The following CTSB variants were observed in gnomAD, a reference collection of about 807,000 sequenced individuals.
CTSB encodes cathepsin B.
In CTSB, 57 loss-of-function variants were observed where a neutral mutation model predicts 44.3. The ratio of observed to expected loss-of-function variants is 1.29; its 90% CI spans 1.04 to 1.60. The LOEUF is 1.60. CTSB is among the 40% of genes most tolerant of loss of function. The pLI is 0.00. For synonymous variants in CTSB, 320 were observed against 168.0 expected (o/e 1.91, Z -7.00); for missense variants, 768 against 443.0 (o/e 1.73, Z -6.59).
At chr8:11,847,335 C>G (rs191608610) in intron 7 of CTSB, among the ~76,000 whole-genome samples, 167 bp from the exon 8 acceptor site, 37 of 152,214 alleles carry the variant, frequency 2.4e-4, no homozygotes, top group Non-Finnish European at 3.8e-4. Context: ...GAACTAAGGA[C>G]AGGGCTGGGG....
chr8:11,863,639 G>C (rs192035448), intron 1 of CTSB, among the ~76,000 whole-genome samples: 1 of 152,244 alleles, frequency 6.6e-6, no homozygotes, highest in African/African-American at 2.4e-5. Context: ...CATGCTTAGC[G>C]TTCTAATAAT....
chr8:11,853,121 G>A (rs567075538), intron 2 of CTSB, among the ~76,000 whole-genome samples: 1 of 152,062 alleles, frequency 6.6e-6, no homozygotes, highest in South Asian at 2.1e-4. Context: ...TCATACACAT[G>A]CACACACACT....
At chr8:11,846,921 CCA>C in intron 8 of CTSB, 129 bp downstream of exon 8, 1 of 676,598 alleles carries the variant, frequency 1.5e-6, no homozygotes. Flanking sequence ...ATGGAAGGCC[CCA>C]CACAGCCCTC....
chr8:11,846,196 A>G (rs1166924579), intron 8 of CTSB: 1 of 153,456 alleles, frequency 6.5e-6, no homozygotes, highest in African/African-American at 2.4e-5. Flanking sequence ...TACACCCTGA[A>G]GAGGTGAGGG....
In CTSB at chr8:11,845,771, G is replaced by T; in HGVS notation, c.812C>A (p.Thr271Asn). The T allele has an allele frequency of 6.2e-7, 1 of 1,613,926 alleles. No individual in the cohort carries two copies. The highest frequency in any genetic ancestry group is 8.5e-7 in the Non-Finnish European group (1 of 1,179,874). The part of the protein sequence containing the change: ...LYKSGVYQHV[T>N]GEMMGGHAIR... ...GGCATGGCCACCCATCATCTCTCCG[G>T]TGACGTGTTGGTACACTCCTGAAAA... Residue 271 changes from threonine (T) to asparagine (N), a missense_variant, in exon 9 of 10, where the codon ACC becomes AAC. Coordinates refer to ENST00000353047, the MANE Select transcript of CTSB (RefSeq NM_001908.5).
intron 1 of CTSB, among the ~76,000 whole-genome samples, chr8:11,860,062 ACT>A (rs1224233054): frequency 1.3e-5 from 2 of 151,816 alleles, no homozygotes; most frequent in African/African-American, 2.4e-5. Flanking sequence ...ACAGAGCAAC[ACT>A]CTGTCTCAGA....
At chr8:11,863,955 G>T (rs901624479) in intron 1 of CTSB, among the ~76,000 whole-genome samples, 4 of 152,056 alleles carry the variant, frequency 2.6e-5, no homozygotes, top group African/African-American at 9.7e-5. Context: ...TAAGTATCTG[G>T]GAGACACAGG....
At chr8:11,864,338 A>AAC in intron 1 of CTSB, 1 of 150,672 alleles carries the variant, frequency 6.6e-6, no homozygotes, top group African/African-American at 2.4e-5. Context: ...AAAAAAAAAA[A>AAC]AAAAACCTGG....
intron 4 of CTSB, 63 bp from the exon 5 acceptor site, chr8:11,849,227 C>A: frequency 7.3e-7 from 1 of 1,369,274 alleles, no homozygotes. Context: ...TGCAGCAGTC[C>A]CCTCAAAGGG....
intron 1 of CTSB, among the ~76,000 whole-genome samples, chr8:11,856,855 GA>G (rs61344867): frequency 0.38 from 54,974 of 145,726 alleles, 10,103 homozygotes; most frequent in East Asian, 0.5. Context: ...TTACTTTTAA[GA>G]AAAAAAAAAA....
At chr8:11,861,407 T>A (rs1452439398) in intron 1 of CTSB, 1 of 152,468 alleles carries the variant, frequency 6.6e-6, no homozygotes, top group East Asian at 1.9e-4. Context: ...GCTGCCCACC[T>A]GCCAATCATC....
At position 11,842,718 on chromosome 8, in the gene CTSB, C is replaced by T. The variant is rs944075519; in HGVS notation, c.*2407G>A. 6.6e-6 allele frequency: 1 copy of T among 151,908 alleles called. No individual in the cohort carries two copies. Among genetic ancestry groups the T allele is most frequent in the African/African-American group, 2.4e-5 (1 of 41,312 alleles). 9.4% of individuals were successfully genotyped at this position (151,908 alleles called of 1,614,324 possible). A position where few individuals can be genotyped will look rare whatever the true frequency, so the allele number is the denominator to read the frequency against. On this transcript the variant is annotated 3_prime_UTR_variant, in exon 10 of 10. Coordinates refer to ENST00000353047, the MANE Select transcript of CTSB (RefSeq NM_001908.5). ...ATGGCGTGATCTCGGCTCACTGCAT[C>T]CTCTGCCTCCCAGGTTCAAGCGATT...
At position 11,845,218 on chromosome 8, in the gene CTSB, G is replaced by A. The variant is rs1563375727; in HGVS notation, c.927C>T (p.Phe309=). Residue 309 remains phenylalanine, a synonymous_variant, in exon 10 of 10, where the codon TTC becomes TTT. Coordinates refer to ENST00000353047, the MANE Select transcript of CTSB (RefSeq NM_001908.5). ...GATCCTGTCCTCTGAGTATTTTAAAGAAGCCTGGGAATAAAAAGTAAGGTG... is the reference window on the plus strand; with the variant it reads ...GATCCTGTCCTCTGAGTATTTTAAAAAAGCCTGGGAATAAAAAGTAAGGTG... ...SWNTDWGDNG[F]FKILRGQDHC... is the part of the protein sequence containing the mutation. 1.9e-6 allele frequency: 3 copies of A among 1,611,318 alleles called. No homozygotes were observed. Among genetic ancestry groups the A allele is most frequent in the Non-Finnish European group, 1.7e-6 (2 of 1,177,560 alleles).
At chr8:11,846,719 G>GGC (rs965893031) in intron 8 of CTSB, among the ~76,000 whole-genome samples, 9 of 152,248 alleles carry the variant, frequency 5.9e-5, no homozygotes, top group African/African-American at 2.2e-4. Flanking sequence ...AAGCCAGGAA[G>GGC]GCGAGGGCAG....
At chr8:11,845,942 A>T in intron 8 of CTSB, 153 bp from the exon 9 acceptor site, 1 of 748,156 alleles carries the variant, frequency 1.3e-6, no homozygotes, top group Non-Finnish European at 2.0e-6. Flanking sequence ...GGGGTCCCAC[A>T]ATACTGGGGA....
At chr8:11,860,856 A>C (rs961824677) in intron 1 of CTSB, among the ~76,000 whole-genome samples, 6 of 152,174 alleles carry the variant, frequency 3.9e-5, no homozygotes, top group Non-Finnish European at 8.8e-5. Flanking sequence ...GTTGCTCCTG[A>C]AGTTTTGACC....
chr8:11,866,879 C>G (rs181455994), intron 1 of CTSB, among the ~76,000 whole-genome samples: 4 of 152,284 alleles, frequency 2.6e-5, no homozygotes, highest in South Asian at 2.1e-4. Context: ...CTTCGCCTTA[C>G]GTTCCTGAAC....
chr8:11,860,868 CT>C (rs1816308308), intron 1 of CTSB, among the ~76,000 whole-genome samples: 1 of 152,214 alleles, frequency 6.6e-6, no homozygotes, highest in Non-Finnish European at 1.5e-5. Flanking sequence ...GTTTTGACCA[CT>C]TAAGTGCAAC....
chr8:11,845,299 T>TTAAGTCA, intron 9 of CTSB, 77 bp from the exon 10 acceptor site: 1 of 1,125,230 alleles, frequency 8.9e-7, no homozygotes, highest in East Asian at 2.5e-5. Flanking sequence ...TTAAAAGACC[T>TTAAGTCA]TAAGTCACTC....
Sources: gnomAD v4.1 joint callset for allele counts (sites outside exome capture counted in the v4.1 genomes callset) on GRCh38, gnomAD v4.1.1 for gene constraint, MANE v1.5 for transcripts, NCBI Gene and HGNC (gene_info 2026-07-23, HGNC 2026-07-21) for gene names.